The following CDC27 variants were observed in gnomAD, a reference collection of about 807,000 sequenced individuals.
The protein encoded by CDC27 is cell division cycle 27, also known as cell division cycle protein 27 homolog.
CDC27 carries 27 observed loss-of-function variants against 109.7 expected under a neutral mutation model. The observed-to-expected ratio is 0.25, with a 90% CI of 0.18 to 0.34. The LOEUF is 0.34. CDC27 is among the 10% of genes least tolerant of loss of function. CDC27 has a pLI of 1.00. For missense variants in CDC27, 579 were observed against 960.2 expected (o/e 0.60, Z 5.25); for synonymous variants, 266 against 333.9 (o/e 0.80, Z 2.22).
intron 9 of CDC27, among the ~76,000 whole-genome samples, chr17:47,146,168 T>C (rs1174202322): frequency 1.3e-5 from 2 of 152,256 alleles, no homozygotes; most frequent in African/African-American, 4.8e-5. Context: ...TCTAATCCTA[T>C]GGATCTCCTA....
Position 47,171,941 on chromosome 17 carries a change from G to A in CDC27, c.227C>T (p.Ala76Val). Residue 76 changes from alanine to valine, a missense_variant, in exon 3 of 19, where the codon GCA (alanine) becomes GTA (valine). Coordinates refer to ENST00000066544, the MANE Select transcript of CDC27 (RefSeq NM_001256.6). Reference sequence around the variant, plus strand: ...CTTGCTGAGATCAACACAACATTTTGCAAGCAGGTATTTGCATTGCGGTGT... The same window carrying A: ...CTTGCTGAGATCAACACAACATTTTACAAGCAGGTATTTGCATTGCGGTGT... ...CTTPQCKYLL[A>V]KCCVDLSKLA... 1 of 1,591,438 alleles carries A rather than the reference G, an allele frequency of 6.3e-7. No individual in the cohort carries two copies. Among genetic ancestry groups the A allele is most frequent in the Non-Finnish European group, 8.5e-7 (1 of 1,172,012 alleles).
chr17:47,141,352 C>T (rs1239264223), intron 12 of CDC27, among the ~76,000 whole-genome samples: 1 of 152,010 alleles, frequency 6.6e-6, no homozygotes, highest in African/African-American at 2.4e-5. Flanking sequence ...TCATTCTCTC[C>T]TTTTCTGGTA....
chr17:47,178,353 T>C (rs1056967478), intron 2 of CDC27, among the ~76,000 whole-genome samples: 11 of 151,406 alleles, frequency 7.3e-5, no homozygotes, highest in Non-Finnish European at 1.3e-4. Context: ...CTGGGCAACA[T>C]TGTGAGATCT....
intron 1 of CDC27, among the ~76,000 whole-genome samples, chr17:47,187,155 T>A (rs16941640): frequency 0.081 from 12,284 of 152,196 alleles, 572 homozygotes; most frequent in African/African-American, 0.11. Flanking sequence ...AATGCTGCTA[T>A]GAAAAAGAAG....
chr17:47,135,228 C>T (rs779125330), intron 14 of CDC27, among the ~76,000 whole-genome samples: 4 of 152,028 alleles, frequency 2.6e-5, no homozygotes, highest in African/African-American at 4.8e-5. Context: ...GCTTCCTTGT[C>T]CCCCACTTAC....
chr17:47,136,431 G>GT (rs542619168), intron 14 of CDC27, among the ~76,000 whole-genome samples: 50 of 152,170 alleles, frequency 3.3e-4, no homozygotes, highest in African/African-American at 1.2e-3. Context: ...AAAGATAACC[G>GT]TATCTGACAA....
At chr17:47,138,554 T>C (rs568077756) in intron 13 of CDC27, among the ~76,000 whole-genome samples, 185 bp downstream of exon 13, 2 of 152,342 alleles carry the variant, frequency 1.3e-5, no homozygotes, top group South Asian at 2.1e-4. Context: ...ATTTTTCTAT[T>C]TGTGAATCTG....
At chr17:47,178,567 AAC>A (rs1435030868) in intron 2 of CDC27, among the ~76,000 whole-genome samples, 10 of 137,614 alleles carry the variant, frequency 7.3e-5, no homozygotes, top group Non-Finnish European at 1.3e-4. Context: ...AAAAAAAAAA[AAC>A]CCTGAAAAGT....
intron 4 of CDC27, chr17:47,159,429 A>G (rs1223427152): frequency 2.1e-6 from 2 of 948,328 alleles, no homozygotes; most frequent in Middle Eastern, 3.4e-4. Flanking sequence ...ACCAGTCATC[A>G]TGAGCAGCTT....
Position 47,142,442 on chromosome 17 carries a change from A to G in CDC27, c.1171-6T>C, listed in dbSNP as rs1437877010. On this transcript the variant is annotated splice_region_variant and splice_polypyrimidine_tract_variant and intron_variant, in intron 10 of 18. Coordinates refer to ENST00000066544, the MANE Select transcript of CDC27 (RefSeq NM_001256.6). ...TTTAATTTTTTGCTATTCTCCTGTA[A>G]AAGGGAAGAAATTTCACACCTGTTA... is the stretch of plus-strand genomic sequence containing the variant. 2.3e-6 allele frequency: 3 copies of G among 1,324,850 alleles called. No individual in the cohort carries two copies. In the South Asian group the frequency reaches 3.9e-5, roughly 17 times the overall value. 82.1% of individuals were successfully genotyped at this position (1,324,850 alleles called of 1,614,324 possible).
rs1315364758 is a variant in CDC27, at chr17:47,138,822, T to A, written c.1621A>T (p.Thr541Ser). 6.2e-7 allele frequency: 1 copy of A among 1,606,078 alleles called. No homozygotes were observed. The highest frequency in any genetic ancestry group is 8.5e-7 in the Non-Finnish European group (1 of 1,173,398). The change falls in exon 13 of 19, where the codon ACA becomes TCA. Residue 541 changes from threonine (T) to serine (S), a missense_variant. Thr to Ser is a moderately conservative substitution (Grantham distance 58). This residue lies in a region of CDC27 where 227 missense variants were observed against 363.6 expected (regional missense o/e 0.62). Coordinates refer to ENST00000066544, the MANE Select transcript of CDC27 (RefSeq NM_001256.6). ...YRVEGMEIYS[T>S]TLWHLQKDVA... ...TCTTTTTGAAGATGCCAAAGTGTTG[T>A]AGAGTAGATCTCCATGCCTTCAACT...
chr17:47,120,799 T>C lies in CDC27; in HGVS notation c.*136A>G, dbSNP rs1408389107. On this transcript the variant is annotated 3_prime_UTR_variant, in exon 19 of 19. Transcript: ENST00000066544. ...CATTCTGTATACAGTCAGGGTCCAATGAAAGTGGCACACTCATGGTATAAG... is the reference window on the plus strand; with the variant it reads ...CATTCTGTATACAGTCAGGGTCCAACGAAAGTGGCACACTCATGGTATAAG... 2 of 637,152 alleles carry C rather than the reference T, an allele frequency of 3.1e-6. No homozygotes were observed. The highest frequency in any genetic ancestry group is 5.7e-6 in the Non-Finnish European group (2 of 353,054). The allele number at this position is 637,152 out of a possible 1,614,324, so 39.5% of individuals were successfully genotyped here. A position where few individuals can be genotyped will look rare whatever the true frequency, so the allele number is the denominator to read the frequency against.
chr17:47,159,460 C>T (rs1302681616), intron 4 of CDC27: 21 of 635,498 alleles, frequency 3.3e-5, no homozygotes, highest in Admixed American at 5.9e-5. Context: ...CGTGCCAAGA[C>T]GATGCCCGTG....
chr17:47,128,176 G>A (rs1463153621), intron 16 of CDC27, among the ~76,000 whole-genome samples: 1 of 151,678 alleles, frequency 6.6e-6, no homozygotes, highest in Non-Finnish European at 1.5e-5. Flanking sequence ...GTCTACAGGT[G>A]CACACCACCA....
chr17:47,181,320 A>T (rs948129060), intron 2 of CDC27: 1 of 235,776 alleles, frequency 4.2e-6, no homozygotes, highest in African/African-American at 2.3e-5. Flanking sequence ...GGAAAAAAAA[A>T]CCTAAAGATT....
chr17:47,122,853 T>G (rs2062018867), intron 17 of CDC27, among the ~76,000 whole-genome samples: 2 of 152,144 alleles, frequency 1.3e-5, no homozygotes, highest in Admixed American at 1.3e-4. Context: ...TTTGTATTTT[T>G]AGTAGAGACA....
chr17:47,133,024 TATATAC>T (rs1349661464), intron 14 of CDC27, among the ~76,000 whole-genome samples: 2,529 of 47,458 alleles, frequency 0.053, 105 homozygotes, highest in Middle Eastern at 0.11. Context: ...TATATATATA[TATATAC>T]ACACACACAC....
At chr17:47,164,600 T>A (rs1472168779) in intron 4 of CDC27, among the ~76,000 whole-genome samples, 1 of 152,192 alleles carries the variant, frequency 6.6e-6, no homozygotes, top group African/African-American at 2.4e-5. Flanking sequence ...GTGGATCATG[T>A]GAGGTTGGGA....
intron 10 of CDC27, among the ~76,000 whole-genome samples, chr17:47,143,512 G>A (rs2148871506): frequency 6.6e-6 from 1 of 152,112 alleles, no homozygotes; most frequent in Middle Eastern, 3.4e-3. Flanking sequence ...CCACAATCAG[G>A]ATACAGGACT....
Sources: gnomAD v4.1 joint callset for allele counts (sites outside exome capture counted in the v4.1 genomes callset) on GRCh38, gnomAD v4.1.1 for gene constraint, gnomAD v4.1.1 regional missense constraint, MANE v1.5 for transcripts, NCBI Gene and HGNC (gene_info 2026-07-23, HGNC 2026-07-21) for gene names.